NIPAL2: variants seen among roughly 807,000 people sequenced by gnomAD.
NIPAL2 encodes the protein NIPA like domain containing 2.
Under a neutral mutation model 48.9 loss-of-function variants are expected in NIPAL2, and 43 were observed. The observed-to-expected ratio is 0.88, with a 90% CI of 0.69 to 1.13. NIPAL2 has a LOEUF of 1.13. Ranked by LOEUF, NIPAL2 falls within the 50% of genes most tolerant of loss-of-function variation. NIPAL2 has a pLI of 0.00. For missense variants in NIPAL2, 446 were observed against 461.4 expected (o/e 0.97, Z 0.31); for synonymous variants, 167 against 174.6 (o/e 0.96, Z 0.34).
chr8:98,193,522 A>G, intron 10 of NIPAL2: 2 of 1,133,496 alleles, frequency 1.8e-6, no homozygotes, highest in South Asian at 2.5e-5. Context: ...TAAAAAATAG[A>G]GTTAAAAATA....
At chr8:98,277,496 C>T (rs923806438) in intron 1 of NIPAL2, among the ~76,000 whole-genome samples, 1 of 152,008 alleles carries the variant, frequency 6.6e-6, no homozygotes, top group Non-Finnish European at 1.5e-5. Context: ...GGGGTCGCAC[C>T]ATTGCACTCC....
intron 1 of NIPAL2, among the ~76,000 whole-genome samples, chr8:98,268,669 G>A (rs1353569782): frequency 6.7e-6 from 1 of 149,970 alleles, no homozygotes; most frequent in African/African-American, 2.4e-5. Context: ...ACAAAATAAA[G>A]TAGGAATGAG....
At chr8:98,265,658 A>G (rs1814674934) in intron 1 of NIPAL2, among the ~76,000 whole-genome samples, 1 of 140,714 alleles carries the variant, frequency 7.1e-6, no homozygotes, top group South Asian at 2.5e-4. Context: ...ATGTAGAGAA[A>G]TAGGAACACT....
At chr8:98,197,423 G>C (rs1223845526) in intron 8 of NIPAL2, among the ~76,000 whole-genome samples, 4 of 152,192 alleles carry the variant, frequency 2.6e-5, no homozygotes, top group Admixed American at 2.6e-4. Context: ...GTTGTTGATT[G>C]ATCAGGGTGG....
At chr8:98,230,040 G>A (rs530554822) in intron 4 of NIPAL2, among the ~76,000 whole-genome samples, 2 of 152,106 alleles carry the variant, frequency 1.3e-5, no homozygotes, top group Non-Finnish European at 2.9e-5. Context: ...TAACTATTTT[G>A]CCTGGGATTT....
intron 3 of NIPAL2, among the ~76,000 whole-genome samples, chr8:98,247,125 A>T (rs2130817864): frequency 6.6e-6 from 1 of 152,356 alleles, no homozygotes; most frequent in Admixed American, 6.5e-5. Context: ...GTTCACAAGC[A>T]TGAATATTCA....
intron 1 of NIPAL2, among the ~76,000 whole-genome samples, chr8:98,288,832 A>G (rs1816338895): frequency 6.6e-6 from 1 of 152,174 alleles, no homozygotes; most frequent in South Asian, 2.1e-4. Flanking sequence ...GTCATACGGG[A>G]AATATCCAGA....
At chr8:98,293,786 G>A (rs1362354587) in intron 1 of NIPAL2, among the ~76,000 whole-genome samples, 1 of 152,240 alleles carries the variant, frequency 6.6e-6, no homozygotes, top group Non-Finnish European at 1.5e-5. Flanking sequence ...CCCAGTGCCG[G>A]GTGCCCGGGA....
intron 1 of NIPAL2, among the ~76,000 whole-genome samples, chr8:98,259,337 A>G (rs1466609345): frequency 6.6e-6 from 1 of 151,862 alleles, no homozygotes; most frequent in East Asian, 1.9e-4. Flanking sequence ...GGCCTCCCAA[A>G]GTGCTGGGAT....
intron 1 of NIPAL2, among the ~76,000 whole-genome samples, chr8:98,268,281 A>G (rs1206808930): frequency 6.6e-6 from 1 of 152,140 alleles, no homozygotes; most frequent in Non-Finnish European, 1.5e-5. Flanking sequence ...TACTAACACA[A>G]TAGAAACAAT....
chr8:98,222,774 C>T (rs1477131009), intron 4 of NIPAL2, among the ~76,000 whole-genome samples, 174 bp from the exon 5 acceptor site: 1 of 152,212 alleles, frequency 6.6e-6, no homozygotes, highest in Non-Finnish European at 1.5e-5. Context: ...TGAAGGCATT[C>T]CCTTTACAGG....
intron 6 of NIPAL2, among the ~76,000 whole-genome samples, chr8:98,210,745 C>A (rs1811269798): frequency 6.6e-6 from 1 of 152,144 alleles, no homozygotes; most frequent in Non-Finnish European, 1.5e-5. Flanking sequence ...TTTTCTGTTG[C>A]ATATTGGATA....
At chr8:98,238,647 G>A (rs1812840039) in intron 3 of NIPAL2, among the ~76,000 whole-genome samples, 1 of 148,054 alleles carries the variant, frequency 6.8e-6, no homozygotes, top group Non-Finnish European at 1.5e-5. Flanking sequence ...TTCTCATTCT[G>A]GTTGATCTTT....
At chr8:98,256,689 G>A (rs1283556720) in intron 1 of NIPAL2, among the ~76,000 whole-genome samples, 1 of 152,036 alleles carries the variant, frequency 6.6e-6, no homozygotes, top group Non-Finnish European at 1.5e-5. Flanking sequence ...GAACACTTGT[G>A]CATTGCTGGT....
chr8:98,241,124 A>G (rs564146332), intron 3 of NIPAL2, among the ~76,000 whole-genome samples: 1 of 152,340 alleles, frequency 6.6e-6, no homozygotes, highest in East Asian at 1.9e-4. Context: ...CAAGATGACC[A>G]TGGTCTATGT....
intron 1 of NIPAL2, among the ~76,000 whole-genome samples, chr8:98,255,198 C>T (rs987501021): frequency 9.2e-5 from 14 of 152,120 alleles, no homozygotes; most frequent in South Asian, 2.1e-4. Flanking sequence ...AGTTCTTACA[C>T]GTTGCCCAAG....
intron 6 of NIPAL2, among the ~76,000 whole-genome samples, chr8:98,206,213 C>T (rs539020064): frequency 6.6e-5 from 10 of 151,884 alleles, no homozygotes; most frequent in Admixed American, 1.3e-4. Flanking sequence ...AAAGGCAATG[C>T]GAAGGAGAAA....
chr8:98,293,938 C>T, intron 1 of NIPAL2, 65 bp downstream of exon 1: 1 of 1,332,198 alleles, frequency 7.5e-7, no homozygotes, highest in Non-Finnish European at 9.7e-7. Flanking sequence ...GGCGCAGAGG[C>T]GCCCGGAGCC....
At position 98,274,506 on chromosome 8, in the gene NIPAL2, A is replaced by G. The variant is rs73285603; in HGVS notation, c.135+19497T>C. On this transcript the variant is annotated intron_variant, in intron 1 of 10. Transcript: ENST00000430223. ...GTTAGGTATGTACAAGTTCAGGATT[A>G]TTTTATCTCCTCAGTTAATTGTTCC... Among the ~76,000 whole-genome samples, 921 of 152,116 alleles carry G rather than the reference A, an allele frequency of 6.1e-3. 8 individuals are homozygous for G. Among genetic ancestry groups the G allele is most frequent in the African/African-American group, 0.021 (859 of 41,542 alleles).
Sources: allele counts gnomAD v4.1 joint callset (sites outside exome capture counted in the v4.1 genomes callset), GRCh38; gene constraint gnomAD v4.1.1; transcripts MANE v1.5; gene names NCBI Gene and HGNC (gene_info 2026-07-23, HGNC 2026-07-21).